EDA: variants seen among roughly 807,000 people sequenced by gnomAD.
The protein encoded by EDA is ectodysplasin-A.
A neutral mutation model predicts 23.6 loss-of-function variants in EDA; 2 were observed. The ratio of observed to expected loss-of-function variants is 0.08; its 90% confidence interval spans 0.03 to 0.27. EDA has a LOEUF of 0.27. EDA is among the 10% of genes least tolerant of loss of function. EDA has a pLI of 1.00. For synonymous variants in EDA, 131 were observed against 132.0 expected, an observed-to-expected ratio of 0.99 and a Z score of 0.05; for missense variants, 229 against 324.2, an observed-to-expected ratio of 0.71 and a Z score of 2.26.
At chrX:69,874,588 C>T (rs761618135) in intron 1 of EDA, among the ~76,000 whole-genome samples, 10 of 111,437 alleles carry the variant, frequency 9.0e-5, no homozygotes, top group African/African-American at 3.3e-4. Flanking sequence ...TGAAACAAGA[C>T]GAGGATGCCC....
chrX:69,868,271 C>T (rs2017515809), intron 1 of EDA, among the ~76,000 whole-genome samples: 1 of 112,270 alleles, frequency 8.9e-6, no homozygotes, highest in African/African-American at 3.2e-5. Flanking sequence ...TCACTCAAAA[C>T]TGGCAGCCTT....
intron 1 of EDA, among the ~76,000 whole-genome samples, chrX:69,771,333 C>A (rs1336302128): frequency 9.0e-6 from 1 of 111,358 alleles, no homozygotes; most frequent in Non-Finnish European, 1.9e-5. Context: ...GCTGGGATTA[C>A]ACGCGTGAGC....
At chrX:69,841,979 A>AG (rs2016904700) in intron 1 of EDA, among the ~76,000 whole-genome samples, 2 of 112,344 alleles carry the variant, frequency 1.8e-5, no homozygotes, top group Admixed American at 9.4e-5. Flanking sequence ...GGGAAGACAG[A>AG]AAAATATTTC....
intron 1 of EDA, among the ~76,000 whole-genome samples, chrX:69,887,226 T>C (rs1474596354): frequency 1.8e-5 from 2 of 111,668 alleles, no homozygotes; most frequent in Non-Finnish European, 3.8e-5. Flanking sequence ...GGAGGATTAC[T>C]TGAACCCAGG....
At position 70,000,321 on chromosome X, in the gene EDA, A is replaced by G. The variant is rs2019723088; in HGVS notation, c.503-22897A>G. 6.2e-5 allele frequency among the ~76,000 whole-genome samples: 7 copies of G among 112,269 alleles called. No homozygotes were observed. The Admixed American group carries it at 6.6e-4, about 11-fold the overall frequency. On this transcript the variant is annotated intron_variant, in intron 2 of 7. Transcript: ENST00000374552. The stretch of plus-strand genomic sequence containing the variant: ...ACAGATATTGTTCTATAGCTAGAAA[A>G]CCCAAGAGAATGGATTAAAAAGATA...
In EDA at chrX:69,888,977, GTTATATATATATATATATATATATATAT is replaced by G. The variant is rs1337665593; in HGVS notation, c.397-68049_397-68022del. On this transcript the variant is annotated intron_variant, in intron 1 of 7. Coordinates refer to ENST00000374552, the MANE Select transcript of EDA (RefSeq NM_001399.5). ...AGTGGAATTGTTGTATTGTGGGGTA[GTTATATATATATATATATATATATATAT>G]ATATATATATATATATTATGTTTTT... Among the ~76,000 whole-genome samples the G allele has an allele frequency of 2.7e-3, 36 of 13,239 alleles. 1 individual carries two copies. The highest frequency in any genetic ancestry group is 7.3e-3 in the African/African-American group (24 of 3,291). 11.5% of individuals were successfully genotyped at this position (13,239 alleles called of 115,157 possible).
At chrX:69,642,174 A>T (rs1305291197) in intron 1 of EDA, among the ~76,000 whole-genome samples, 7 of 110,943 alleles carry the variant, frequency 6.3e-5, no homozygotes, top group Non-Finnish European at 1.1e-4. Flanking sequence ...TGGGGAGGCA[A>T]TGTCCTATAG....
intron 1 of EDA, among the ~76,000 whole-genome samples, chrX:69,790,636 A>G (rs2015378283): frequency 9.0e-6 from 1 of 111,520 alleles, no homozygotes. Context: ...TGTTGGTGTT[A>G]TTGTTCTCAG....
intron 1 of EDA, among the ~76,000 whole-genome samples, chrX:69,650,347 G>A (rs1933064329): frequency 8.9e-6 from 1 of 111,738 alleles, no homozygotes; most frequent in African/African-American, 3.3e-5. Flanking sequence ...TAGTCTAATG[G>A]CAGAGCCAGC....
intron 1 of EDA, among the ~76,000 whole-genome samples, chrX:69,792,289 A>C (rs1397280047): frequency 8.9e-6 from 1 of 111,990 alleles, no homozygotes; most frequent in East Asian, 2.8e-4. Flanking sequence ...TTGCTGCAAA[A>C]GACATTATTT....
chrX:69,659,899 G>C (rs759693680), intron 1 of EDA, among the ~76,000 whole-genome samples: 1 of 110,978 alleles, frequency 9.0e-6, no homozygotes, highest in African/African-American at 3.3e-5. Flanking sequence ...GGGAGGCCAG[G>C]AATGTGTATT....
intron 1 of EDA, among the ~76,000 whole-genome samples, chrX:69,738,282 T>G (rs764772279): frequency 1.8e-5 from 2 of 110,202 alleles, no homozygotes; most frequent in Non-Finnish European, 3.8e-5. Flanking sequence ...CTGCAGTGTC[T>G]AATCTGTTCT....
chrX:69,915,233 C>T, intron 1 of EDA, among the ~76,000 whole-genome samples: 1 of 111,170 alleles, frequency 9.0e-6, no homozygotes, highest in Non-Finnish European at 1.9e-5. Flanking sequence ...ACTTTATGTC[C>T]TCTGTAATCT....
chrX:70,016,705 C>T (rs925026184), intron 2 of EDA, among the ~76,000 whole-genome samples: 1 of 111,567 alleles, frequency 9.0e-6, no homozygotes, highest in African/African-American at 3.3e-5. Context: ...TTACCAGAAT[C>T]TCTCGGGCAC....
At chrX:69,892,941 A>G (rs1020529684) in intron 1 of EDA, among the ~76,000 whole-genome samples, 7 of 110,954 alleles carry the variant, frequency 6.3e-5, no homozygotes, top group African/African-American at 2.3e-4. Flanking sequence ...TTCAATTCTC[A>G]CCCCACTCCC....
chrX:69,931,334 T>C (rs964364832), intron 1 of EDA, among the ~76,000 whole-genome samples: 2 of 111,765 alleles, frequency 1.8e-5, no homozygotes, highest in Non-Finnish European at 3.8e-5. Flanking sequence ...CAAGAATATA[T>C]AATGATCTTT....
At chrX:69,962,541 C>T (rs1252941291) in intron 2 of EDA, among the ~76,000 whole-genome samples, 2 of 111,686 alleles carry the variant, frequency 1.8e-5, no homozygotes, top group African/African-American at 6.5e-5. Context: ...AAGTAATTCT[C>T]CTGCCTCAGC....
chrX:69,782,133 T>A (rs946587671), intron 1 of EDA, among the ~76,000 whole-genome samples: 8 of 109,281 alleles, frequency 7.3e-5, no homozygotes, highest in African/African-American at 2.7e-4. Flanking sequence ...TGTTTTCCAC[T>A]AACGGAGCCA....
At chrX:69,670,776 C>T (rs1362436902) in intron 1 of EDA, among the ~76,000 whole-genome samples, 1 of 110,847 alleles carries the variant, frequency 9.0e-6, no homozygotes, top group Non-Finnish European at 1.9e-5. Context: ...TTAATGATAT[C>T]TATCTCTTTG....
Sources: gnomAD v4.1 joint callset for allele counts (sites outside exome capture counted in the v4.1 genomes callset) on GRCh38, gnomAD v4.1.1 for gene constraint, MANE v1.5 for transcripts, NCBI Gene and HGNC (gene_info 2026-07-23, HGNC 2026-07-21) for gene names.